Variants in TMCO6 observed in about 807,000 individuals in gnomAD.
The protein encoded by TMCO6 is transmembrane and coiled-coil domain-containing protein 6.
Under a neutral mutation model 61.8 loss-of-function variants are expected in TMCO6, and 47 were observed. That is an observed-to-expected ratio of 0.76 (90% confidence interval 0.60 to 0.97). The LOEUF (loss-of-function observed/expected upper bound fraction) is 0.97, where lower values mean the gene tolerates loss of function less well. Among genes scored for constraint, TMCO6 ranks in the 50% least tolerant of loss-of-function variants. TMCO6 has a pLI of 0.00. For missense variants in TMCO6, 557 were observed against 601.6 expected (o/e 0.93, Z 0.78); for synonymous variants, 261 against 254.2 (o/e 1.03, Z -0.25).
chr5:140,643,458 A>G (rs1246022129), intron 7 of TMCO6, 106 bp from the exon 8 acceptor site: 1 of 1,069,204 alleles, frequency 9.4e-7, no homozygotes, highest in Non-Finnish European at 1.4e-6. Context: ...CAGCCTCCCA[A>G]AGTGCTGGGA....
the TMCO6 span, among the ~76,000 whole-genome samples, chr5:140,598,950 C>CA: frequency 6.6e-6 from 1 of 151,922 alleles, no homozygotes; most frequent in Non-Finnish European, 1.5e-5. Context: ...ACAAAAAAAC[C>CA]AAAAAACCAA....
At chr5:140,605,689 CA>C in the TMCO6 span, among the ~76,000 whole-genome samples, 4 of 114,020 alleles carry the variant, frequency 3.5e-5, no homozygotes, top group African/African-American at 1.5e-4. Context: ...CAAAAAAAAA[CA>C]AAACACACAC....
the TMCO6 span, among the ~76,000 whole-genome samples, chr5:140,602,000 G>T: frequency 6.4e-4 from 97 of 152,304 alleles, 1 homozygote; most frequent in Admixed American, 3.8e-3. Flanking sequence ...GTTCCCCCAA[G>T]AAATAAATCC....
the TMCO6 span, among the ~76,000 whole-genome samples, chr5:140,613,112 C>T: frequency 3.9e-5 from 6 of 152,022 alleles, no homozygotes; most frequent in Admixed American, 3.3e-4. Flanking sequence ...CAGGAGGGGC[C>T]GGGCACGGTG....
the TMCO6 span, among the ~76,000 whole-genome samples, chr5:140,626,511 C>T: frequency 6.6e-6 from 1 of 152,188 alleles, no homozygotes; most frequent in South Asian, 2.1e-4. Flanking sequence ...AGTGATTCTC[C>T]TGGCTCAGCC....
the TMCO6 span, among the ~76,000 whole-genome samples, chr5:140,614,973 A>C: frequency 6.6e-6 from 1 of 152,216 alleles, no homozygotes; most frequent in African/African-American, 2.4e-5. Context: ...GGAAAAAGAA[A>C]TAGAAGGCAT....
chr5:140,620,756 A>T, the TMCO6 span, among the ~76,000 whole-genome samples: 22 of 152,180 alleles, frequency 1.4e-4, no homozygotes, highest in Admixed American at 1.4e-3. Flanking sequence ...CACGCCTGTA[A>T]TCCCAGCACT....
At chr5:140,611,394 C>T in the TMCO6 span, among the ~76,000 whole-genome samples, 1 of 152,162 alleles carries the variant, frequency 6.6e-6, no homozygotes, top group African/African-American at 2.4e-5. Context: ...TTACTGGGGC[C>T]TATTGTATGA....
the TMCO6 span, chr5:140,633,420 CCT>C: frequency 2.2e-6 from 1 of 464,232 alleles, no homozygotes; most frequent in Non-Finnish European, 4.0e-6. Flanking sequence ...CGGTGAATGC[CCT>C]GTTGACTCGG....
At chr5:140,630,184 G>A in the TMCO6 span, among the ~76,000 whole-genome samples, 1 of 151,894 alleles carries the variant, frequency 6.6e-6, no homozygotes, top group Admixed American at 6.6e-5. Context: ...AGTAGAGACA[G>A]GGTTTCATCA....
At chr5:140,645,640 T>G (rs1757349046), downstream of TMCO6, 1 of 1,614,204 alleles carries the variant, frequency 6.2e-7, no homozygotes, top group African/African-American at 1.3e-5. Flanking sequence ...TGATCAGCAC[T>G]GAAGTTGTTC....
At chr5:140,603,014 T>C in the TMCO6 span, among the ~76,000 whole-genome samples, 4 of 151,236 alleles carry the variant, frequency 2.6e-5, no homozygotes, top group Admixed American at 6.6e-5. Flanking sequence ...GAAACAAGAG[T>C]GAAATTCTGT....
At chr5:140,643,412 G>A in intron 7 of TMCO6, 152 bp from the exon 8 acceptor site, 1 of 749,988 alleles carries the variant, frequency 1.3e-6, no homozygotes, top group Non-Finnish European at 2.3e-6. Flanking sequence ...GGCCAGGCTG[G>A]TCTCAAACTC....
rs140916118 is a variant in TMCO6 at position 140,640,357 on chromosome 5, C to G, written c.198+506C>G. Among the ~76,000 whole-genome samples, 418 of 152,054 alleles carry G rather than the reference C, an allele frequency of 2.7e-3. 3 individuals are homozygous for G. The highest frequency in any genetic ancestry group is 0.014 in the Middle Eastern group (4 of 294). On this transcript the variant is annotated intron_variant, in intron 2 of 11. Coordinates refer to ENST00000394671, the MANE Select transcript of TMCO6 (RefSeq NM_018502.5). The stretch of plus-strand genomic sequence containing the variant: ...CTCAAGCCCTTGGCATTCGCTACGT[C>G]TAACGTTCGTTTCTTTTGGTATTCT...
chr5:140,609,464 TC>T, the TMCO6 span: 1 of 170,548 alleles, frequency 5.9e-6, no homozygotes, highest in South Asian at 1.2e-4. Flanking sequence ...GTGGTCCTCC[TC>T]AGCAGCCTCC....
the TMCO6 span, among the ~76,000 whole-genome samples, chr5:140,624,856 C>CTTTT: frequency 6.3e-5 from 2 of 31,708 alleles, no homozygotes; most frequent in African/African-American, 1.8e-4. Flanking sequence ...TTCTTTCTTT[C>CTTTT]TTTTTTTTTT....
chr5:140,604,040 G>T, the TMCO6 span, among the ~76,000 whole-genome samples: 16 of 152,240 alleles, frequency 1.1e-4, no homozygotes, highest in African/African-American at 3.9e-4. Flanking sequence ...TAGCAGTATG[G>T]TGAGTGTGTA....
chr5:140,614,202 T>C, the TMCO6 span, among the ~76,000 whole-genome samples: 1 of 149,412 alleles, frequency 6.7e-6, no homozygotes, highest in Admixed American at 6.7e-5. Flanking sequence ...CCCGGCCATC[T>C]CTCATCTTAA....
the TMCO6 span, chr5:140,632,485 A>G: frequency 3.1e-6 from 5 of 1,613,932 alleles, no homozygotes; most frequent in South Asian, 5.5e-5. The surrounding 1 kb of genome is among the most constrained non-coding windows in gnomAD (Gnocchi z 6.2). Context: ...GGCTTGAGCC[A>G]CTGCTGCAGC....
Sources: gnomAD v4.1 joint callset for allele counts (sites outside exome capture counted in the v4.1 genomes callset) on GRCh38, gnomAD v4.1.1 for gene constraint, Gnocchi (gnomAD v3.1) non-coding constraint, MANE v1.5 for transcripts, NCBI Gene and HGNC (gene_info 2026-07-23, HGNC 2026-07-21) for gene names.